The following ABLIM1 variants were observed in gnomAD, a reference collection of about 807,000 sequenced individuals.
ABLIM1 encodes the protein actin binding LIM protein 1.
Under a neutral mutation model 107.0 loss-of-function variants are expected in ABLIM1, and 40 were observed. The ratio of observed to expected loss-of-function variants is 0.37; its 90% CI spans 0.29 to 0.49. ABLIM1 has a LOEUF of 0.49. Among genes scored for constraint, ABLIM1 ranks in the 20% least tolerant of loss-of-function variants. The probability of loss-of-function intolerance (pLI) is 0.97; values close to 1 mark genes in which losing one functional copy is unlikely to be tolerated. For missense variants in ABLIM1, 857 were observed against 1,008.5 expected (o/e 0.85, Z 2.04); for synonymous variants, 357 against 357.3 (o/e 1.00, Z 0.01).
At chr10:114,744,443 G>T (rs2082344387) in intron 1 of ABLIM1, among the ~76,000 whole-genome samples, 1 of 152,018 alleles carries the variant, frequency 6.6e-6, no homozygotes, top group South Asian at 2.1e-4. Flanking sequence ...GAAATCAAAG[G>T]CATACAAAAT....
At chr10:114,648,266 A>G (rs1439829725) in intron 1 of ABLIM1, among the ~76,000 whole-genome samples, 1 of 152,260 alleles carries the variant, frequency 6.6e-6, no homozygotes, top group African/African-American at 2.4e-5. Context: ...GCCAGAAAGC[A>G]GGAACAACAC....
intron 1 of ABLIM1, among the ~76,000 whole-genome samples, chr10:114,762,267 T>C (rs148199075): frequency 2.4e-3 from 372 of 152,190 alleles, no homozygotes; most frequent in African/African-American, 8.3e-3. Flanking sequence ...TCTCCTGACC[T>C]TGTGATCCAC....
At chr10:114,673,218 A>T (rs1482958995) in intron 1 of ABLIM1, among the ~76,000 whole-genome samples, 1 of 149,390 alleles carries the variant, frequency 6.7e-6, no homozygotes, top group Non-Finnish European at 1.5e-5. Context: ...AGATCATGCC[A>T]CTACACTCCA....
At chr10:114,776,357 G>A in the ABLIM1 span, among the ~76,000 whole-genome samples, 23 of 152,290 alleles carry the variant, frequency 1.5e-4, no homozygotes, top group East Asian at 3.3e-3. Context: ...GCTCATGCCT[G>A]TAATCCCAGC....
At chr10:114,500,489 G>A (rs2060241941) in intron 6 of ABLIM1, among the ~76,000 whole-genome samples, 1 of 151,854 alleles carries the variant, frequency 6.6e-6, no homozygotes, top group Non-Finnish European at 1.5e-5. Context: ...AGACCAGCCT[G>A]GGCAACATGG....
At chr10:114,601,451 AG>A (rs1191010421) in intron 2 of ABLIM1, among the ~76,000 whole-genome samples, 1 of 151,912 alleles carries the variant, frequency 6.6e-6, no homozygotes, top group Non-Finnish European at 1.5e-5. Context: ...TTCTTAGTAG[AG>A]ACGGGGTTTC....
intron 2 of ABLIM1, among the ~76,000 whole-genome samples, chr10:114,581,724 C>T (rs374058266): frequency 6.6e-6 from 1 of 152,020 alleles, no homozygotes; most frequent in African/African-American, 2.4e-5. Flanking sequence ...GCCAGGTGGT[C>T]AGCTCTTCTC....
intron 6 of ABLIM1, among the ~76,000 whole-genome samples, chr10:114,524,603 C>A (rs2475241): frequency 0.73 from 110,435 of 151,996 alleles, 40,249 homozygotes; most frequent in African/African-American, 0.79. Context: ...CAACAAAAAA[C>A]TCTATATTTA....
chr10:114,690,451 C>A, intron 1 of ABLIM1: 2 of 1,596,508 alleles, frequency 1.3e-6, no homozygotes, highest in South Asian at 1.1e-5. Context: ...AAGTCACCAC[C>A]CTGACACATA....
In ABLIM1 at chr10:114,520,707, A is replaced by G. The variant is rs542856029; in HGVS notation, c.894+24298T>C. 2.6e-5 allele frequency among the ~76,000 whole-genome samples: 4 copies of G among 152,244 alleles called. No individual in the cohort carries two copies. The South Asian group carries it at 8.3e-4, about 32-fold the overall frequency. ...TGACGTAGGCTGGGTGTGGTGCTTCATGCCTGTAATCCCAGCACTTCAGGA... is the reference window on the plus strand; with the variant it reads ...TGACGTAGGCTGGGTGTGGTGCTTCGTGCCTGTAATCCCAGCACTTCAGGA... On this transcript the variant is annotated intron_variant, in intron 6 of 22. Coordinates refer to ENST00000533213, the MANE Select transcript of ABLIM1 (RefSeq NM_002313.7).
rs1281895961 is a variant in ABLIM1 at position 114,571,429 on chromosome 10, C to T, written c.564-23G>A. On this transcript the variant is annotated intron_variant, in intron 3 of 22. Coordinates refer to ENST00000533213, the MANE Select transcript of ABLIM1 (RefSeq NM_002313.7). ...CGCCTGGAGGCAGAAAGACATCGCCCTCAAGGTTATTGCAGCAATTTCATT... is the reference window on the plus strand; with the variant it reads ...CGCCTGGAGGCAGAAAGACATCGCCTTCAAGGTTATTGCAGCAATTTCATT... 9.3e-6 allele frequency: 15 copies of T among 1,605,916 alleles called. No homozygotes were observed. In the Admixed American group the frequency reaches 2.0e-4, roughly 21 times the overall value.
chr10:114,559,700 C>A (rs187130991), intron 4 of ABLIM1, among the ~76,000 whole-genome samples: 1 of 152,216 alleles, frequency 6.6e-6, no homozygotes, highest in African/African-American at 2.4e-5. Flanking sequence ...TTATGTGATC[C>A]CTGAGCCACA....
chr10:114,734,802 G>A (rs951556037), intron 1 of ABLIM1, among the ~76,000 whole-genome samples: 3 of 152,150 alleles, frequency 2.0e-5, no homozygotes, highest in Non-Finnish European at 4.4e-5. Context: ...TCTTTGGTAT[G>A]TATCTCACAC....
At chr10:114,642,436 AT>A (rs1364427457) in intron 1 of ABLIM1, among the ~76,000 whole-genome samples, 1 of 152,246 alleles carries the variant, frequency 6.6e-6, no homozygotes, top group Non-Finnish European at 1.5e-5. Flanking sequence ...AAGAATGGAA[AT>A]ATCAAAGAAC....
chr10:114,693,843 G>A (rs1053465760), intron 1 of ABLIM1, among the ~76,000 whole-genome samples: 1 of 86,214 alleles, frequency 1.2e-5, no homozygotes, highest in African/African-American at 4.8e-5. Flanking sequence ...TTTTTTTTTT[G>A]TAGAGATTGG....
intron 2 of ABLIM1, among the ~76,000 whole-genome samples, chr10:114,588,423 C>T (rs1028340567): frequency 6.6e-6 from 1 of 151,766 alleles, no homozygotes; most frequent in Non-Finnish European, 1.5e-5. Context: ...GATCAGAGAA[C>T]CTTTATCTAG....
rs1212905139 is a variant in ABLIM1 at position 114,432,281 on chromosome 10, G to A, written c.*3979C>T. On this transcript the variant is annotated 3_prime_UTR_variant, in exon 23 of 23. Transcript: ENST00000533213. ...AATAGCTACCAGAAACACAGAAGAG[G>A]TGGTTAATAAAAACTGAGATTGCTT... 1 of 152,202 alleles carries A rather than the reference G, an allele frequency of 6.6e-6. No individual in the cohort carries two copies. The highest frequency in any genetic ancestry group is 1.5e-5 in the Non-Finnish European group (1 of 68,032). The allele number at this position is 152,202 out of a possible 1,614,324, so 9.4% of individuals were successfully genotyped here.
chr10:114,470,806 TC>T (rs1222544653), intron 10 of ABLIM1, among the ~76,000 whole-genome samples: 1 of 152,182 alleles, frequency 6.6e-6, no homozygotes, highest in East Asian at 1.9e-4. Context: ...GTATATAATT[TC>T]CCCAAAGTTA....
intron 2 of ABLIM1, among the ~76,000 whole-genome samples, chr10:114,597,816 C>T (rs1204041381): frequency 2.0e-5 from 3 of 151,920 alleles, no homozygotes; most frequent in African/African-American, 4.8e-5. Context: ...TGGGATGAAG[C>T]GATGAAAAAG....
Sources: allele counts gnomAD v4.1 joint callset (sites outside exome capture counted in the v4.1 genomes callset), GRCh38; gene constraint gnomAD v4.1.1; transcripts MANE v1.5; gene names NCBI Gene and HGNC (gene_info 2026-07-23, HGNC 2026-07-21).